The following MAP4 variants were observed in gnomAD, a reference collection of about 807,000 sequenced individuals.
MAP4 encodes the protein microtubule-associated protein 4.
Under a neutral mutation model 170.2 loss-of-function variants are expected in MAP4, and 76 were observed. The ratio of observed to expected loss-of-function variants is 0.45; its 90% CI spans 0.37 to 0.54. MAP4 has a LOEUF of 0.54. MAP4 is among the 20% of genes least tolerant of loss of function. The pLI is 0.00. For synonymous variants in MAP4, 909 were observed against 994.5 expected, an observed-to-expected ratio of 0.91 and a Z score of 1.62; for missense variants, 2,506 against 2,748.0, an observed-to-expected ratio of 0.91 and a Z score of 1.97.
intron 1 of MAP4, among the ~76,000 whole-genome samples, chr3:48,063,301 C>G (rs2154560180): frequency 6.6e-6 from 1 of 151,854 alleles, no homozygotes; most frequent in South Asian, 2.1e-4. Flanking sequence ...GCAAGGTGAG[C>G]TGGAATCACC....
intron 1 of MAP4, among the ~76,000 whole-genome samples, chr3:48,026,028 T>C (rs1412487460): frequency 6.6e-6 from 1 of 151,718 alleles, no homozygotes; most frequent in Non-Finnish European, 1.5e-5. Flanking sequence ...AGAAATTTCT[T>C]TTAAATATAC....
intron 3 of MAP4, among the ~76,000 whole-genome samples, chr3:47,928,691 A>T (rs565910110): frequency 5.3e-5 from 8 of 152,280 alleles, no homozygotes; most frequent in Non-Finnish European, 1.0e-4. Flanking sequence ...AGAAGGAAAT[A>T]AAGTAGGTCA....
chr3:48,022,763 C>A (rs1486713778), intron 1 of MAP4, among the ~76,000 whole-genome samples: 1 of 152,078 alleles, frequency 6.6e-6, no homozygotes, highest in Admixed American at 6.5e-5. Flanking sequence ...TGGTGGCATG[C>A]GCCTATAGTC....
chr3:47,936,510 T>C (rs1172930685), intron 3 of MAP4, among the ~76,000 whole-genome samples: 30 of 145,250 alleles, frequency 2.1e-4, no homozygotes, highest in African/African-American at 7.5e-4. Flanking sequence ...CCTTATATGT[T>C]AAAAAAAAAA....
intron 3 of MAP4, among the ~76,000 whole-genome samples, chr3:47,943,878 G>A (rs1163513682): frequency 6.6e-6 from 1 of 151,982 alleles, no homozygotes; most frequent in African/African-American, 2.4e-5. Flanking sequence ...CCACAATACA[G>A]GCTAAGTTGG....
At chr3:47,959,786 T>C (rs1315249921) in intron 3 of MAP4, among the ~76,000 whole-genome samples, 1 of 151,142 alleles carries the variant, frequency 6.6e-6, no homozygotes, top group Admixed American at 6.6e-5. Flanking sequence ...TGTATATACA[T>C]GAAGAACATT....
intron 1 of MAP4, among the ~76,000 whole-genome samples, chr3:48,047,518 G>A (rs2100125224): frequency 6.6e-6 from 1 of 152,140 alleles, no homozygotes; most frequent in Non-Finnish European, 1.5e-5. Context: ...GCAAAGTGGG[G>A]AGGGAATTCA....
intron 1 of MAP4, among the ~76,000 whole-genome samples, chr3:48,023,821 TAACAAA>T (rs1559810164): frequency 6.6e-6 from 1 of 152,122 alleles, no homozygotes. Flanking sequence ...ATGAAACTAC[TAACAAA>T]AATAACAAAT....
At chr3:47,989,187 G>A (rs901935348) in intron 2 of MAP4, among the ~76,000 whole-genome samples, 1 of 152,220 alleles carries the variant, frequency 6.6e-6, no homozygotes, top group Non-Finnish European at 1.5e-5. Context: ...TAGGCGGAAG[G>A]GCTGCTTGAG....
At chr3:47,892,230 G>A in intron 10 of MAP4, 1 of 1,536,398 alleles carries the variant, frequency 6.5e-7, no homozygotes. Flanking sequence ...TCAATGCTCA[G>A]CTCTTTGTCT....
intron 3 of MAP4, chr3:47,974,938 A>C: frequency 1.0e-6 from 1 of 986,014 alleles, no homozygotes; most frequent in Non-Finnish European, 1.2e-6. Context: ...CCTTCCCTAA[A>C]AGCAAGCTCA....
chr3:47,977,715 G>T, intron 3 of MAP4, 150 bp downstream of exon 3: 1 of 553,334 alleles, frequency 1.8e-6, no homozygotes, highest in Non-Finnish European at 3.4e-6. Flanking sequence ...ACATGGCAAT[G>T]TCCTGGGTTT....
intron 1 of MAP4, among the ~76,000 whole-genome samples, chr3:48,070,999 T>C (rs534409341): frequency 1.3e-5 from 2 of 152,060 alleles, no homozygotes; most frequent in African/African-American, 4.8e-5. Flanking sequence ...CACTCCAGCC[T>C]GGGTGACAGA....
intron 1 of MAP4, among the ~76,000 whole-genome samples, chr3:48,061,835 AG>A (rs2100135661): frequency 1.2e-5 from 1 of 83,332 alleles, no homozygotes; most frequent in Admixed American, 1.1e-4. Context: ...TCCGGGAGGG[AG>A]GTGGGGGGCA....
chr3:47,973,780 T>A (rs956080083), intron 3 of MAP4: 1 of 985,270 alleles, frequency 1.0e-6, no homozygotes, highest in Non-Finnish European at 1.2e-6. Flanking sequence ...TTTGAAAAGA[T>A]CCCTGGCGAA....
At chr3:48,067,138 C>G (rs1290633995) in intron 1 of MAP4, among the ~76,000 whole-genome samples, 1 of 152,008 alleles carries the variant, frequency 6.6e-6, no homozygotes, top group Non-Finnish European at 1.5e-5. Flanking sequence ...CCGCGCCCAG[C>G]CTCTAATTCC....
chr3:47,990,024 AG>A (rs2100091162), intron 2 of MAP4, among the ~76,000 whole-genome samples: 1 of 152,114 alleles, frequency 6.6e-6, no homozygotes, highest in African/African-American at 2.4e-5. Flanking sequence ...TCAGCTTGGC[AG>A]AGAAGTAGCA....
At chr3:47,986,507 A>G (rs1204877540) in intron 2 of MAP4, among the ~76,000 whole-genome samples, 2 of 151,842 alleles carry the variant, frequency 1.3e-5, no homozygotes, top group African/African-American at 4.8e-5. Flanking sequence ...CACCTGGCTA[A>G]TTTTTGTATT....
At chr3:47,863,754 G>A (rs945944697) in intron 17 of MAP4, among the ~76,000 whole-genome samples, 6 of 151,942 alleles carry the variant, frequency 3.9e-5, no homozygotes, top group African/African-American at 1.4e-4. Flanking sequence ...ATTGGCACTG[G>A]CTCATCACTC....
Sources: allele counts gnomAD v4.1 joint callset (sites outside exome capture counted in the v4.1 genomes callset), GRCh38; gene constraint gnomAD v4.1.1; transcripts MANE v1.5; gene names NCBI Gene and HGNC (gene_info 2026-07-23, HGNC 2026-07-21).